HIVEP3: variants seen among roughly 807,000 people sequenced by gnomAD.
HIVEP3 encodes HIVEP zinc finger 3.
A neutral mutation model predicts 152.8 loss-of-function variants in HIVEP3; 49 were observed. The ratio of observed to expected loss-of-function variants is 0.32; its 90% confidence interval spans 0.26 to 0.41. HIVEP3 has a LOEUF of 0.41. Among genes scored for constraint, HIVEP3 ranks in the 10% least tolerant of loss-of-function variants. The probability of loss-of-function intolerance (pLI) is 1.00; values close to 1 mark genes in which losing one functional copy is unlikely to be tolerated. For missense variants in HIVEP3, 2,790 were observed against 3,103.3 expected, an observed-to-expected ratio of 0.90 and a Z score of 2.40; for synonymous variants, 1,269 against 1,289.0, an observed-to-expected ratio of 0.98 and a Z score of 0.33.
rs886913219 is a variant in HIVEP3 at position 41,628,698 on chromosome 1, G to C, written c.-522+51C>G. 5.0e-6 allele frequency: 6 copies of C among 1,191,486 alleles called. No homozygotes were observed. In the African/African-American group the frequency reaches 9.5e-5, roughly 19 times the overall value. 73.8% of individuals were successfully genotyped at this position (1,191,486 alleles called of 1,614,324 possible). On this transcript the variant is annotated intron_variant, in intron 3 of 8. Transcript: ENST00000372583. Reference sequence around the variant, plus strand: ...GAACTAAGCAAGCTCATGCAAGACAGACCAACATGGCGCCTGGCAAGCATA... The same window carrying C: ...GAACTAAGCAAGCTCATGCAAGACACACCAACATGGCGCCTGGCAAGCATA...
intron 1 of HIVEP3, among the ~76,000 whole-genome samples, chr1:41,963,291 G>A (rs959654416): frequency 2.0e-5 from 3 of 152,134 alleles, no homozygotes; most frequent in East Asian, 3.9e-4. Context: ...GATTACGGGC[G>A]TGAGCCACCG....
At chr1:41,620,794 C>T (rs1411990693) in intron 3 of HIVEP3, among the ~76,000 whole-genome samples, 1 of 152,212 alleles carries the variant, frequency 6.6e-6, no homozygotes, top group Non-Finnish European at 1.5e-5. Context: ...GTCACTCACC[C>T]TCCACTCCTA....
At chr1:41,612,096 C>T (rs1217689356) in intron 3 of HIVEP3, among the ~76,000 whole-genome samples, 1 of 152,120 alleles carries the variant, frequency 6.6e-6, no homozygotes, top group Non-Finnish European at 1.5e-5. Flanking sequence ...CCCACTCCCA[C>T]CCACCTGTGC....
chr1:41,833,339 A>G (rs1399942115), intron 1 of HIVEP3, among the ~76,000 whole-genome samples: 1 of 152,204 alleles, frequency 6.6e-6, no homozygotes, highest in Non-Finnish European at 1.5e-5. Context: ...GCAGCTTCCC[A>G]CACAATGCAA....
intron 2 of HIVEP3, among the ~76,000 whole-genome samples, chr1:41,665,707 T>TACACACACACACATACACACACAC (rs1645784911): frequency 7.8e-6 from 1 of 127,932 alleles, no homozygotes; most frequent in Non-Finnish European, 1.6e-5. Flanking sequence ...GGAAATGTTA[T>TACACACACACACATACACACACAC]ACACACACAC....
At chr1:41,558,175 C>T (rs1427395820) in intron 5 of HIVEP3, among the ~76,000 whole-genome samples, 1 of 152,186 alleles carries the variant, frequency 6.6e-6, no homozygotes, top group Non-Finnish European at 1.5e-5. Context: ...CCCTGTGAGT[C>T]CTCAGGAGAG....
At chr1:41,905,076 G>T (rs936898889) in intron 1 of HIVEP3, among the ~76,000 whole-genome samples, 7 of 152,200 alleles carry the variant, frequency 4.6e-5, no homozygotes, top group Admixed American at 4.6e-4. Context: ...GTGAACTAGG[G>T]TATAAGGATT....
At chr1:41,657,482 C>T (rs1243333430) in intron 2 of HIVEP3, among the ~76,000 whole-genome samples, 1 of 152,214 alleles carries the variant, frequency 6.6e-6, no homozygotes, top group Non-Finnish European at 1.5e-5. Context: ...ATGTACCTTC[C>T]TCCCAAAGGC....
intron 1 of HIVEP3, among the ~76,000 whole-genome samples, chr1:41,788,161 G>A (rs1232061212): frequency 6.6e-6 from 1 of 152,144 alleles, no homozygotes; most frequent in Admixed American, 6.5e-5. Flanking sequence ...CCACCGCAAG[G>A]AGTGGCCACC....
At chr1:41,940,179 G>A (rs1645038967) in intron 1 of HIVEP3, among the ~76,000 whole-genome samples, 1 of 152,046 alleles carries the variant, frequency 6.6e-6, no homozygotes, top group Non-Finnish European at 1.5e-5. Flanking sequence ...GACATTCTCT[G>A]CCTCATATTT....
At chr1:41,675,952 GGGACA>G (rs11278863) in intron 2 of HIVEP3, among the ~76,000 whole-genome samples, 41,233 of 151,796 alleles carry the variant, frequency 0.27, 7,827 homozygotes, top group African/African-American at 0.52. Context: ...TTGGGGACCG[GGGACA>G]GGACAGCTGG....
chr1:41,718,774 CCACACACA>C (rs3064313), intron 1 of HIVEP3, among the ~76,000 whole-genome samples: 6 of 148,538 alleles, frequency 4.0e-5, no homozygotes, highest in Admixed American at 3.4e-4. Context: ...TCTTTCACAC[CCACACACA>C]CACACACACA....
At chr1:41,527,383 C>T (rs1226667576) in intron 5 of HIVEP3, among the ~76,000 whole-genome samples, 8 of 75,674 alleles carry the variant, frequency 1.1e-4, no homozygotes, top group Admixed American at 1.3e-4. Context: ...CACTCACACT[C>T]GCACTCACAC....
intron 2 of HIVEP3, among the ~76,000 whole-genome samples, chr1:41,655,582 CAAAAAAAA>C (rs55918119): frequency 1.9e-4 from 11 of 57,408 alleles, no homozygotes; most frequent in Non-Finnish European, 3.1e-4. Flanking sequence ...CACTCCATCT[CAAAAAAAA>C]AAAAAAAAAA....
At chr1:41,656,184 G>T (rs1000496740) in intron 2 of HIVEP3, among the ~76,000 whole-genome samples, 7 of 152,246 alleles carry the variant, frequency 4.6e-5, no homozygotes, top group African/African-American at 1.7e-4. Flanking sequence ...AATTCCAACA[G>T]AGTCCAGGCT....
chr1:41,981,580 C>A (rs1645294280), intron 1 of HIVEP3, among the ~76,000 whole-genome samples: 1 of 152,132 alleles, frequency 6.6e-6, no homozygotes. Context: ...CACACTGCCT[C>A]CCCACCCCAT....
chr1:41,607,593 C>CT (rs1191196930), intron 3 of HIVEP3, among the ~76,000 whole-genome samples: 86 of 148,946 alleles, frequency 5.8e-4, no homozygotes, highest in African/African-American at 1.1e-3. Context: ...TAAGCTCTTC[C>CT]TTTTTTTTTT....
chr1:41,764,565 T>C (rs1647893162), intron 1 of HIVEP3, among the ~76,000 whole-genome samples: 1 of 152,162 alleles, frequency 6.6e-6, no homozygotes, highest in African/African-American at 2.4e-5. Context: ...AATTAAAGGA[T>C]AAGAGTCTGG....
intron 3 of HIVEP3, among the ~76,000 whole-genome samples, chr1:41,597,776 T>A (rs1378457202): frequency 6.6e-6 from 1 of 152,174 alleles, no homozygotes; most frequent in Non-Finnish European, 1.5e-5. Flanking sequence ...CTTGTTAACC[T>A]TTTTTTACCT....
Sources: allele counts gnomAD v4.1 joint callset (sites outside exome capture counted in the v4.1 genomes callset), GRCh38; gene constraint gnomAD v4.1.1; transcripts MANE v1.5; gene names NCBI Gene and HGNC (gene_info 2026-07-23, HGNC 2026-07-21).